FAM168B: variants seen among roughly 807,000 people sequenced by gnomAD.
FAM168B encodes the protein myelin-associated neurite-outgrowth inhibitor.
A neutral mutation model predicts 21.8 loss-of-function variants in FAM168B; 19 were observed. That is an observed-to-expected ratio of 0.87 (90% CI 0.61 to 1.28). The LOEUF (loss-of-function observed/expected upper bound fraction) is 1.28. Ranked by LOEUF, FAM168B falls within the 50% of genes most tolerant of loss-of-function variation. The probability of loss-of-function intolerance (pLI) is 0.00; values close to 1 mark genes in which losing one functional copy is unlikely to be tolerated. For missense variants in FAM168B, 233 were observed against 263.1 expected (o/e 0.89, Z 0.79); for synonymous variants, 126 against 104.8 (o/e 1.20, Z -1.24).
intron 1 of FAM168B, among the ~76,000 whole-genome samples, chr2:131,089,921 A>G (rs1455174806): frequency 6.6e-6 from 1 of 151,408 alleles, no homozygotes; most frequent in Non-Finnish European, 1.5e-5. Context: ...AGTCCCAGCT[A>G]CTTGGGAGGC....
chr2:131,092,932 AC>A (rs1694109509), intron 1 of FAM168B, among the ~76,000 whole-genome samples: 1 of 151,924 alleles, frequency 6.6e-6, no homozygotes, highest in African/African-American at 2.4e-5. Context: ...GACGGCTGTG[AC>A]CCCGACCTTT....
At chr2:131,066,630 C>A (rs1692574459) in intron 3 of FAM168B, among the ~76,000 whole-genome samples, 1 of 152,182 alleles carries the variant, frequency 6.6e-6, no homozygotes, top group Non-Finnish European at 1.5e-5. Context: ...AGGACCAGAA[C>A]AGAGGCCTCA....
chr2:131,092,929 G>C (rs907538711), intron 1 of FAM168B, among the ~76,000 whole-genome samples: 3 of 152,096 alleles, frequency 2.0e-5, no homozygotes, highest in Non-Finnish European at 2.9e-5. Context: ...CCTGACGGCT[G>C]TGACCCCGAC....
chr2:131,080,837 T>C (rs920371491), intron 2 of FAM168B, among the ~76,000 whole-genome samples: 5 of 150,050 alleles, frequency 3.3e-5, no homozygotes, highest in African/African-American at 9.8e-5. Context: ...GCCTGGCTAA[T>C]TTTTTTTTGT....
At chr2:131,068,743 T>C (rs898991143) in intron 3 of FAM168B, among the ~76,000 whole-genome samples, 1 of 152,118 alleles carries the variant, frequency 6.6e-6, no homozygotes, top group African/African-American at 2.4e-5. Context: ...AAGCTGGGCA[T>C]GGTAGCTCAC....
chr2:131,076,730 A>C (rs959716631), intron 2 of FAM168B, among the ~76,000 whole-genome samples: 1 of 152,118 alleles, frequency 6.6e-6, no homozygotes, highest in African/African-American at 2.4e-5. Flanking sequence ...ATAGTTAAGC[A>C]AAAGGACAAA....
chr2:131,059,821 G>A (rs922115423), intron 3 of FAM168B, among the ~76,000 whole-genome samples: 1 of 152,170 alleles, frequency 6.6e-6, no homozygotes, highest in African/African-American at 2.4e-5. Context: ...CAATGACACA[G>A]TTCTAATTTA....
intron 1 of FAM168B, among the ~76,000 whole-genome samples, chr2:131,085,499 G>T (rs989258702): frequency 1.3e-5 from 2 of 152,122 alleles, no homozygotes; most frequent in African/African-American, 4.8e-5. Flanking sequence ...GAACACTCTA[G>T]GTGTCAAAAT....
At chr2:131,078,421 T>C (rs574814760) in intron 2 of FAM168B, among the ~76,000 whole-genome samples, 1 of 152,120 alleles carries the variant, frequency 6.6e-6, no homozygotes, top group South Asian at 2.1e-4. Flanking sequence ...TAAAACAGGG[T>C]GCAAGAGACA....
In FAM168B at chr2:131,060,912, C is replaced by T. The variant is rs555946302; in HGVS notation, c.155-5217G>A. ...AGTTGCCTAGGCTGGAGTGCAGTGG[C>T]GCAATCTCAGCTCACTGCAAACTCC... On this transcript the variant is annotated intron_variant, in intron 3 of 6. Coordinates refer to ENST00000389915, the MANE Select transcript of FAM168B (RefSeq NM_001009993.4). Among the ~76,000 whole-genome samples, 191 of 151,720 alleles carry T rather than the reference C, an allele frequency of 1.3e-3. 1 individual carries two copies. Among genetic ancestry groups the T allele is most frequent in the African/African-American group, 4.2e-3 (173 of 41,400 alleles).
intron 3 of FAM168B, among the ~76,000 whole-genome samples, chr2:131,066,189 G>A (rs1179020819): frequency 6.9e-6 from 1 of 144,666 alleles, no homozygotes; most frequent in Non-Finnish European, 1.5e-5. Flanking sequence ...GAGACTGAGT[G>A]GAGTCTCGCT....
chr2:131,060,952 C>T lies in FAM168B; in HGVS notation c.155-5257G>A, dbSNP rs1400988457. Among the ~76,000 whole-genome samples the T allele has an allele frequency of 5.9e-5, 9 of 151,662 alleles. No homozygotes were observed. In the South Asian group the frequency reaches 8.3e-4, roughly 14 times the overall value. ...CTGCAAACTCCGCCTCCCGGGTTCA[C>T]GCCATTCTCCTGCCTCAGTCTCCTG... is the stretch of plus-strand genomic sequence containing the variant. On this transcript the variant is annotated intron_variant, in intron 3 of 6. Coordinates refer to ENST00000389915, the MANE Select transcript of FAM168B (RefSeq NM_001009993.4).
intron 3 of FAM168B, among the ~76,000 whole-genome samples, chr2:131,059,159 C>T (rs995386680): frequency 2.6e-5 from 4 of 152,082 alleles, no homozygotes; most frequent in Non-Finnish European, 5.9e-5. Context: ...CCTGTCACAG[C>T]GGAGATGATC....
At chr2:131,055,806 A>C in intron 3 of FAM168B, 111 bp from the exon 4 acceptor site, 1 of 1,304,420 alleles carries the variant, frequency 7.7e-7, no homozygotes, top group Non-Finnish European at 1.0e-6. Context: ...AACTCGCCAG[A>C]CCTGCTGCCA....
intron 3 of FAM168B, among the ~76,000 whole-genome samples, chr2:131,071,537 T>A (rs1464631359): frequency 6.6e-6 from 1 of 152,222 alleles, no homozygotes; most frequent in East Asian, 1.9e-4. Context: ...AACATTAACA[T>A]GGAAATTCCA....
Position 131,048,091 on chromosome 2 carries a change from G to A in FAM168B, c.*4374C>T, listed in dbSNP as rs1034227970. ...TAAGTTCAATGCAGAGGTGAGGGATGCCTTTAACACTGGAAGACAATGCTG... is the reference window on the plus strand; with the variant it reads ...TAAGTTCAATGCAGAGGTGAGGGATACCTTTAACACTGGAAGACAATGCTG... On this transcript the variant is annotated 3_prime_UTR_variant, in exon 7 of 7. Transcript: ENST00000389915. 4.5e-6 allele frequency: 4 copies of A among 897,906 alleles called. No homozygotes were observed. The highest frequency in any genetic ancestry group is 5.9e-6 in the Non-Finnish European group (4 of 675,456). 55.6% of individuals were successfully genotyped at this position (897,906 alleles called of 1,614,324 possible). A position where few individuals can be genotyped will look rare whatever the true frequency, so the allele number is the denominator to read the frequency against.
In FAM168B at chr2:131,052,437, A is replaced by C; in HGVS notation, c.*28T>G. 4.0e-6 allele frequency: 4 copies of C among 994,656 alleles called. No individual in the cohort carries two copies. The African/African-American group carries it at 7.0e-5, about 17-fold the overall frequency. 61.6% of individuals were successfully genotyped at this position (994,656 alleles called of 1,614,324 possible). A position where few individuals can be genotyped will look rare whatever the true frequency, so the allele number is the denominator to read the frequency against. On this transcript the variant is annotated 3_prime_UTR_variant, in exon 7 of 7. Transcript: ENST00000389915. Reference sequence around the variant, plus strand: ...GGAATCCCCAATAATGTGACTGCACAGCTCCGTCCTCAAACCTGCAGAAAG... The same window carrying C: ...GGAATCCCCAATAATGTGACTGCACCGCTCCGTCCTCAAACCTGCAGAAAG...
At chr2:131,061,973 CAAG>C (rs776033193) in intron 3 of FAM168B, among the ~76,000 whole-genome samples, 15 of 151,938 alleles carry the variant, frequency 9.9e-5, no homozygotes, top group Non-Finnish European at 1.8e-4. Flanking sequence ...CAATGTGCAA[CAAG>C]AAGTTACAGT....
rs1228416031 is a variant in FAM168B, at chr2:131,087,251, T to C, written c.-11-4594A>G. Among the ~76,000 whole-genome samples, 3 of 151,868 alleles carry C rather than the reference T, an allele frequency of 2.0e-5. No individual in the cohort carries two copies. In the East Asian group the frequency reaches 5.9e-4, roughly 30 times the overall value. ...TTGGAGGCCAAGGTGGGAGGATCAC[T>C]TGAGGTCAGGAGTTGGAGACCAGCC... On this transcript the variant is annotated intron_variant, in intron 1 of 6. Coordinates refer to ENST00000389915, the MANE Select transcript of FAM168B (RefSeq NM_001009993.4).
Sources: allele counts gnomAD v4.1 joint callset (sites outside exome capture counted in the v4.1 genomes callset), GRCh38; gene constraint gnomAD v4.1.1; transcripts MANE v1.5; gene names NCBI Gene and HGNC (gene_info 2026-07-23, HGNC 2026-07-21).